Variants in CDH26 observed in about 807,000 individuals in gnomAD.
CDH26 encodes cadherin-like protein 26.
In CDH26, 83 loss-of-function variants were observed where a neutral mutation model predicts 90.3. The observed-to-expected ratio is 0.92, with a 90% CI of 0.77 to 1.10. The LOEUF is 1.10. Among genes scored for constraint, CDH26 ranks in the 50% least tolerant of loss-of-function variants. The pLI, the probability that CDH26 is intolerant of heterozygous loss-of-function variation, is 0.00. For synonymous variants in CDH26, 397 were observed against 396.3 expected (o/e 1.00, Z -0.02); for missense variants, 1,013 against 1,037.6 (o/e 0.98, Z 0.33).
At chr20:59,969,339 C>T (rs180737184) in intron 2 of CDH26, among the ~76,000 whole-genome samples, 112 of 152,274 alleles carry the variant, frequency 7.4e-4, no homozygotes, top group African/African-American at 2.7e-3. Context: ...TCCATTGCAG[C>T]AGTCATGCAC....
chr20:59,979,601 CTTTTTTTTTTTTTTTTTTTTTTTTTTTTT>C (rs559969476), intron 4 of CDH26, among the ~76,000 whole-genome samples: 5 of 47,448 alleles, frequency 1.1e-4, no homozygotes, highest in East Asian at 1.3e-3. Context: ...CTGCTATGCA[CTTTTTTTTTTTTTTTTTTTTTTTTTTTTT>C]TTTTTTTTTT....
Position 59,969,560 on chromosome 20 carries a change from A to G in CDH26, c.127-522A>G, listed in dbSNP as rs1456177294. Reference sequence around the variant, plus strand: ...TAATGCAAACAAAACAATGCTTTAAATTTCATATATTCTCTTACCTGACAA... The same window carrying G: ...TAATGCAAACAAAACAATGCTTTAAGTTTCATATATTCTCTTACCTGACAA... On this transcript the variant is annotated intron_variant, in intron 2 of 17. Coordinates refer to ENST00000348616, the MANE Select transcript of CDH26 (RefSeq NM_177980.4). 2.0e-5 allele frequency among the ~76,000 whole-genome samples: 3 copies of G among 152,348 alleles called. 1 individual carries two copies. The highest frequency in any genetic ancestry group is 3.4e-3 in the Middle Eastern group (1 of 294).
chr20:60,009,201 G>C (rs1297304314), intron 17 of CDH26, among the ~76,000 whole-genome samples: 1 of 152,208 alleles, frequency 6.6e-6, no homozygotes, highest in Non-Finnish European at 1.5e-5. Flanking sequence ...GAGGGACAGA[G>C]CCAGAAATGG....
At chr20:59,984,135 G>A (rs866366425) in intron 5 of CDH26, among the ~76,000 whole-genome samples, 1 of 152,194 alleles carries the variant, frequency 6.6e-6, no homozygotes, top group African/African-American at 2.4e-5. Context: ...CCCAGTCCAC[G>A]AAGATGCTTG....
chr20:59,959,484 C>T (rs1031692846), intron 1 of CDH26, among the ~76,000 whole-genome samples: 1 of 151,932 alleles, frequency 6.6e-6, no homozygotes, highest in African/African-American at 2.4e-5. Context: ...GCACCGCAAC[C>T]TCCTCCTACT....
intron 7 of CDH26, among the ~76,000 whole-genome samples, chr20:59,985,670 A>C (rs891598252): frequency 7.2e-5 from 11 of 152,170 alleles, no homozygotes; most frequent in Non-Finnish European, 1.2e-4. Context: ...TATATCGCGC[A>C]GTCACCCAAG....
At chr20:59,999,923 A>G (rs1271991036) in intron 14 of CDH26, among the ~76,000 whole-genome samples, 1 of 152,182 alleles carries the variant, frequency 6.6e-6, no homozygotes, top group Non-Finnish European at 1.5e-5. Flanking sequence ...GTCCAGTGCC[A>G]TATGGTGATT....
rs147442869 is a variant in CDH26 at position 59,992,139 on chromosome 20, T to G, written c.1284-239T>G. ...TTCAGTCCAACAAGGAGGGGGACGC[T>G]TGGTCTTCTGGTGAATGTCAATTCC... On this transcript the variant is annotated intron_variant, in intron 9 of 17. Coordinates refer to ENST00000348616, the MANE Select transcript of CDH26 (RefSeq NM_177980.4). The surrounding 1 kb of genome is among the most constrained non-coding windows in gnomAD (Gnocchi z 5.0). Among the ~76,000 whole-genome samples, 7 of 152,294 alleles carry G rather than the reference T, an allele frequency of 4.6e-5. No homozygotes were observed. The highest frequency in any genetic ancestry group is 1.7e-4 in the African/African-American group (7 of 41,562).
intron 1 of CDH26, among the ~76,000 whole-genome samples, chr20:59,962,125 G>A (rs1249446441): frequency 2.0e-5 from 3 of 152,170 alleles, no homozygotes; most frequent in South Asian, 2.1e-4. Flanking sequence ...GCAGGGGACA[G>A]AGCAGGTTGG....
chr20:59,975,606 A>T (rs1569030738), intron 4 of CDH26, among the ~76,000 whole-genome samples: 1 of 152,208 alleles, frequency 6.6e-6, no homozygotes, highest in Non-Finnish European at 1.5e-5. Context: ...ATTACCAACA[A>T]GGAAGGGTGG....
chr20:59,961,105 C>G (rs1480041409), intron 1 of CDH26, among the ~76,000 whole-genome samples: 1 of 152,196 alleles, frequency 6.6e-6, no homozygotes, highest in Non-Finnish European at 1.5e-5. Flanking sequence ...TCCAATACTT[C>G]ACAGAAGTCC....
intron 7 of CDH26, among the ~76,000 whole-genome samples, chr20:60,021,460 C>T (rs2146030702): frequency 6.6e-6 from 1 of 152,304 alleles, no homozygotes; most frequent in East Asian, 1.9e-4. Context: ...GTGTGCTTGA[C>T]TCCTTCTCTG....
Position 60,012,677 on chromosome 20 carries a change from T to G in CDH26, c.2446T>G (p.Ser816Ala). Residue 816 changes from serine to alanine, a missense_variant, in exon 18 of 18, where the codon TCA becomes GCA. Transcript: ENST00000348616. ...LQPDLLDSLG[S>A]KATPFEEIYS... ...ACCTGATTTGCTGGACTCTTTGGGTTCAAAAGCGACTCCGTTTGAGGAAAT... is the reference window on the plus strand; with the variant it reads ...ACCTGATTTGCTGGACTCTTTGGGTGCAAAAGCGACTCCGTTTGAGGAAAT... The G allele has an allele frequency of 6.5e-7, 1 of 1,540,114 alleles. No individual in the cohort carries two copies. The highest frequency in any genetic ancestry group is 1.1e-5 in the South Asian group (1 of 89,416).
intron 7 of CDH26, among the ~76,000 whole-genome samples, chr20:60,025,169 T>C (rs902508346): frequency 2.6e-5 from 4 of 152,238 alleles, no homozygotes; most frequent in African/African-American, 9.6e-5. Flanking sequence ...CTGTGTTCTG[T>C]CATTCATCGT....
intron 7 of CDH26, among the ~76,000 whole-genome samples, chr20:60,026,119 G>C (rs1188839036): frequency 6.6e-6 from 1 of 152,144 alleles, no homozygotes; most frequent in South Asian, 2.1e-4. Context: ...CAAAGTGACT[G>C]TTGCCTTAAC....
chr20:60,005,494 A>AAG, intron 16 of CDH26, among the ~76,000 whole-genome samples: 1 of 151,986 alleles, frequency 6.6e-6, no homozygotes, highest in African/African-American at 2.4e-5. Context: ...GTATGTATGT[A>AAG]TGTATGTATG....
chr20:60,023,291 G>T (rs1042028923), intron 7 of CDH26, among the ~76,000 whole-genome samples: 1 of 152,176 alleles, frequency 6.6e-6, no homozygotes, highest in Non-Finnish European at 1.5e-5. Context: ...TGCTCTTTTG[G>T]ATTTTCTGTC....
At chr20:59,987,735 G>A in intron 8 of CDH26, 97 bp downstream of exon 8, 1 of 1,154,278 alleles carries the variant, frequency 8.7e-7, no homozygotes, top group South Asian at 1.6e-5. Context: ...TAACGTCCGT[G>A]GATGCTGGGT....
intron 4 of CDH26, among the ~76,000 whole-genome samples, chr20:59,982,250 A>G (rs761405286): frequency 1.3e-5 from 2 of 151,874 alleles, no homozygotes; most frequent in Non-Finnish European, 2.9e-5. Flanking sequence ...TACTTTCTCT[A>G]TTGTTTTGTT....
Sources: allele counts gnomAD v4.1 joint callset (sites outside exome capture counted in the v4.1 genomes callset), GRCh38; gene constraint gnomAD v4.1.1; non-coding constraint Gnocchi (gnomAD v3.1); transcripts MANE v1.5; gene names NCBI Gene and HGNC (gene_info 2026-07-23, HGNC 2026-07-21).